The following WDPCP variants were observed in gnomAD, a reference collection of about 807,000 sequenced individuals.
The protein encoded by WDPCP is WD repeat containing planar cell polarity effector, also known as WD repeat-containing and planar cell polarity effector protein fritz homolog.
WDPCP carries 71 observed loss-of-function variants against 93.1 expected under a neutral mutation model. The observed-to-expected ratio is 0.76, with a 90% CI of 0.63 to 0.93. The LOEUF (loss-of-function observed/expected upper bound fraction) is 0.93. Ranked by LOEUF, WDPCP falls within the 40% of genes least tolerant of loss-of-function variation. The probability of loss-of-function intolerance (pLI) is 0.00; values close to 1 mark genes in which losing one functional copy is unlikely to be tolerated. For synonymous variants in WDPCP, 315 were observed against 315.0 expected (o/e 1.00, Z 0.00); for missense variants, 844 against 887.4 (o/e 0.95, Z 0.62).
At chr2:63,412,298 A>T (rs113213837) in intron 9 of WDPCP, among the ~76,000 whole-genome samples, 10 of 152,350 alleles carry the variant, frequency 6.6e-5, no homozygotes, top group African/African-American at 2.4e-4. Flanking sequence ...ATCTCAATAG[A>T]TACAGAAAAA....
intron 2 of WDPCP, among the ~76,000 whole-genome samples, chr2:63,674,616 T>A (rs1346477313): frequency 1.3e-5 from 2 of 152,080 alleles, no homozygotes; most frequent in Non-Finnish European, 2.9e-5. Flanking sequence ...GTTCTAGAGA[T>A]CTGCTGTGTA....
intron 8 of WDPCP, among the ~76,000 whole-genome samples, chr2:63,435,437 TAA>T (rs1329227438): frequency 6.6e-6 from 1 of 152,178 alleles, no homozygotes; most frequent in African/African-American, 2.4e-5. Flanking sequence ...TCAATATCAT[TAA>T]GTCTTCTTAT....
chr2:63,784,563 C>G (rs553935442), intron 2 of WDPCP, among the ~76,000 whole-genome samples: 13 of 147,234 alleles, frequency 8.8e-5, no homozygotes, highest in South Asian at 4.6e-4. Context: ...AAAAATATCT[C>G]TAGCTGGAGT....
At chr2:63,583,402 T>C (rs1708619765) in intron 1 of WDPCP, among the ~76,000 whole-genome samples, 1 of 152,142 alleles carries the variant, frequency 6.6e-6, no homozygotes, top group Non-Finnish European at 1.5e-5. Context: ...TTTGAAAACC[T>C]GGCAGAGCAC....
chr2:63,418,628 T>A (rs1489068451), intron 9 of WDPCP, among the ~76,000 whole-genome samples: 1 of 152,162 alleles, frequency 6.6e-6, no homozygotes, highest in African/African-American at 2.4e-5. Context: ...TTTCAGGAAC[T>A]GGTCATTAGA....
intron 13 of WDPCP, among the ~76,000 whole-genome samples, chr2:63,307,434 C>T (rs906523120): frequency 1.3e-5 from 2 of 152,152 alleles, no homozygotes; most frequent in Admixed American, 1.3e-4. Context: ...ATTGCCAAGA[C>T]AATCCTAAGC....
intron 14 of WDPCP, among the ~76,000 whole-genome samples, chr2:63,227,463 G>T (rs374527994): frequency 6.6e-6 from 1 of 151,942 alleles, no homozygotes; most frequent in East Asian, 1.9e-4. Context: ...TGGTAAACAA[G>T]ACAAAGAAAA....
intron 1 of WDPCP, among the ~76,000 whole-genome samples, chr2:63,577,127 AT>A (rs1357529519): frequency 6.6e-6 from 1 of 152,192 alleles, no homozygotes; most frequent in East Asian, 1.9e-4. Flanking sequence ...AACTTTTTAT[AT>A]TTAATCTGAC....
At chr2:63,753,292 G>A (rs1045955839) in intron 2 of WDPCP, among the ~76,000 whole-genome samples, 1 of 152,082 alleles carries the variant, frequency 6.6e-6, no homozygotes, top group African/African-American at 2.4e-5. Flanking sequence ...AGCCGTGCAT[G>A]ATGGTAGGTG....
intron 1 of WDPCP, among the ~76,000 whole-genome samples, chr2:63,529,822 G>T (rs1336025932): frequency 6.6e-6 from 1 of 152,112 alleles, no homozygotes; most frequent in Non-Finnish European, 1.5e-5. Context: ...GAATCCTTCT[G>T]GTCCTCGACA....
intron 2 of WDPCP, among the ~76,000 whole-genome samples, chr2:63,670,274 G>A (rs531617825): frequency 1.1e-4 from 17 of 152,242 alleles, no homozygotes; most frequent in Admixed American, 2.6e-4. Context: ...TGCTGCAGTC[G>A]TGGCGTTGCT....
intron 10 of WDPCP, among the ~76,000 whole-genome samples, chr2:63,392,849 G>A (rs192786953): frequency 1.5e-3 from 232 of 152,236 alleles, no homozygotes; most frequent in Middle Eastern, 3.4e-3. Context: ...ACCATCTCAC[G>A]CCAGTTATAA....
chr2:63,492,387 G>A (rs1700935943), intron 2 of WDPCP, among the ~76,000 whole-genome samples: 1 of 151,302 alleles, frequency 6.6e-6, no homozygotes, highest in African/African-American at 2.4e-5. Flanking sequence ...ATATCAAATA[G>A]AAATGCCTTT....
intron 1 of WDPCP, among the ~76,000 whole-genome samples, chr2:63,528,680 A>G (rs1370450459): frequency 1.3e-5 from 2 of 152,126 alleles, no homozygotes; most frequent in African/African-American, 2.4e-5. Context: ...TTGGCTTAGG[A>G]TTGACGTGGC....
chr2:63,673,232 A>G (rs753349307), intron 2 of WDPCP, among the ~76,000 whole-genome samples: 1 of 152,222 alleles, frequency 6.6e-6, no homozygotes, highest in Non-Finnish European at 1.5e-5. Context: ...CTTAGAAAAT[A>G]GTGTCAAATT....
At chr2:63,745,389 T>C (rs1669779910) in intron 2 of WDPCP, among the ~76,000 whole-genome samples, 1 of 152,202 alleles carries the variant, frequency 6.6e-6, no homozygotes, top group South Asian at 2.1e-4. Context: ...CAACTGGCAA[T>C]GCTGCCAACA....
At chr2:63,652,801 T>G (rs1710122927) in intron 2 of WDPCP, among the ~76,000 whole-genome samples, 1 of 152,206 alleles carries the variant, frequency 6.6e-6, no homozygotes, top group African/African-American at 2.4e-5. Flanking sequence ...CCATTGATCT[T>G]TATCCTATTT....
intron 2 of WDPCP, among the ~76,000 whole-genome samples, chr2:63,784,219 G>A (rs769407933): frequency 6.6e-6 from 1 of 152,062 alleles, no homozygotes; most frequent in African/African-American, 2.4e-5. Context: ...AAGGAAGGGT[G>A]GGGTACTCTG....
chr2:63,164,791 C>T (rs994028689), intron 15 of WDPCP, among the ~76,000 whole-genome samples: 1 of 152,078 alleles, frequency 6.6e-6, no homozygotes, highest in Non-Finnish European at 1.5e-5. Context: ...TGGAGCAATA[C>T]AGGAGCAAAG....
Sources: allele counts gnomAD v4.1 joint callset (sites outside exome capture counted in the v4.1 genomes callset), GRCh38; gene constraint gnomAD v4.1.1; transcripts MANE v1.5; gene names NCBI Gene and HGNC (gene_info 2026-07-23, HGNC 2026-07-21).